VPS13B: variants seen among roughly 807,000 people sequenced by gnomAD.
VPS13B encodes vacuolar protein sorting 13 homolog B.
Under a neutral mutation model 426.4 loss-of-function variants are expected in VPS13B, and 285 were observed. The observed-to-expected ratio is 0.67, with a 90% CI of 0.61 to 0.74. VPS13B has a LOEUF of 0.74. VPS13B is among the 30% of genes least tolerant of loss of function. The pLI is 0.00. For synonymous variants in VPS13B, 1,676 were observed against 1,676.4 expected, an observed-to-expected ratio of 1.00 and a Z score of 0.01; for missense variants, 4,537 against 4,782.6, an observed-to-expected ratio of 0.95 and a Z score of 1.51.
rs148057549 is a variant in VPS13B at position 99,253,424 on chromosome 8, A to G, written c.2516-20774A>G. ...CCAAATTGTTTTCCATAGCAGCTGG[A>G]CCATATGACATTCCTAGCAGCAATG... On this transcript the variant is annotated intron_variant, in intron 17 of 61. Transcript: ENST00000357162. Among the ~76,000 whole-genome samples, 965 of 152,278 alleles carry G rather than the reference A, an allele frequency of 6.3e-3. 8 individuals carry two copies. Among genetic ancestry groups the G allele is most frequent in the African/African-American group, 0.022 (906 of 41,568 alleles).
intron 44 of VPS13B, among the ~76,000 whole-genome samples, chr8:99,813,720 A>G (rs1813861073): frequency 1.3e-5 from 2 of 152,264 alleles, no homozygotes. Flanking sequence ...AGAAAATTCA[A>G]ATAAGCAGAT....
At chr8:99,666,610 C>G (rs549991914) in intron 35 of VPS13B, among the ~76,000 whole-genome samples, 8 of 152,188 alleles carry the variant, frequency 5.3e-5, no homozygotes, top group African/African-American at 1.9e-4. Flanking sequence ...ATTCAACAAC[C>G]CTTCATGCTA....
chr8:99,296,948 C>G (rs1820072630), intron 19 of VPS13B, among the ~76,000 whole-genome samples: 5 of 151,920 alleles, frequency 3.3e-5, no homozygotes, highest in Admixed American at 2.6e-4. Context: ...TTTGTCATAG[C>G]AGCACAAATG....
At chr8:99,216,478 C>A (rs1465097072) in intron 17 of VPS13B, among the ~76,000 whole-genome samples, 9 of 151,536 alleles carry the variant, frequency 5.9e-5, no homozygotes, top group Admixed American at 5.3e-4. Context: ...TATTCTCATC[C>A]TAGCATATCA....
chr8:99,574,171 A>C (rs1375082505), intron 31 of VPS13B, among the ~76,000 whole-genome samples: 2 of 152,192 alleles, frequency 1.3e-5, no homozygotes, highest in African/African-American at 4.8e-5. Flanking sequence ...ACTTTGCTGA[A>C]GTTGCTTATC....
intron 17 of VPS13B, among the ~76,000 whole-genome samples, chr8:99,247,376 C>G (rs1437742317): frequency 6.6e-6 from 1 of 152,132 alleles, no homozygotes; most frequent in Non-Finnish European, 1.5e-5. Context: ...CATCATTACT[C>G]TTTTAAAAAT....
chr8:99,032,631 G>T (rs1245356299), intron 2 of VPS13B, among the ~76,000 whole-genome samples: 1 of 150,250 alleles, frequency 6.7e-6, no homozygotes, highest in African/African-American at 2.4e-5. Context: ...CCGGGTTCAC[G>T]CCATTCTCCT....
chr8:99,347,500 C>G (rs1274088068), intron 19 of VPS13B: 1 of 152,268 alleles, frequency 6.6e-6, no homozygotes, highest in African/African-American at 2.4e-5. Context: ...ACTGAGGGCC[C>G]CAATTTCTAC....
rs1319310046 is a variant in VPS13B at position 99,542,533 on chromosome 8, G to C, written c.4746-13917G>C. Among the ~76,000 whole-genome samples the C allele has an allele frequency of 2.6e-5, 4 of 152,218 alleles. No homozygotes were observed. The East Asian group carries it at 7.7e-4, about 29-fold the overall frequency. The stretch of plus-strand genomic sequence containing the variant: ...AGAGACATGAGGATGCTTGTTTTTT[G>C]TATCAGAGTACTTGTTATTGGGGCA... On this transcript the variant is annotated intron_variant, in intron 30 of 61. Transcript: ENST00000357162.
intron 17 of VPS13B, among the ~76,000 whole-genome samples, chr8:99,266,805 G>A (rs1196260740): frequency 1.3e-5 from 2 of 152,114 alleles, no homozygotes; most frequent in Non-Finnish European, 2.9e-5. Flanking sequence ...TTGTGAAGAG[G>A]ATTAGTTTGT....
intron 19 of VPS13B, among the ~76,000 whole-genome samples, chr8:99,371,365 T>C (rs1813171130): frequency 6.6e-6 from 1 of 152,146 alleles, no homozygotes; most frequent in Non-Finnish European, 1.5e-5. Context: ...TTGCTTGTTT[T>C]TGTTGGGTTT....
intron 19 of VPS13B, among the ~76,000 whole-genome samples, chr8:99,355,831 A>G (rs1812153065): frequency 6.6e-6 from 1 of 152,018 alleles, no homozygotes; most frequent in South Asian, 2.1e-4. Flanking sequence ...CTTTTCTATT[A>G]CTTATAATTA....
chr8:99,704,440 G>A (rs993752985), intron 36 of VPS13B, among the ~76,000 whole-genome samples: 1 of 152,166 alleles, frequency 6.6e-6, no homozygotes, highest in African/African-American at 2.4e-5. Flanking sequence ...TTTGGATGCT[G>A]CAGAGATGCG....
At chr8:99,358,010 A>ACG (rs1346830887) in intron 19 of VPS13B, among the ~76,000 whole-genome samples, 1 of 151,182 alleles carries the variant, frequency 6.6e-6, no homozygotes, top group East Asian at 1.9e-4. Flanking sequence ...TATCACACAC[A>ACG]CACACACACA....
intron 14 of VPS13B, among the ~76,000 whole-genome samples, chr8:99,153,432 A>G (rs1811182442): frequency 6.6e-6 from 1 of 151,212 alleles, no homozygotes; most frequent in African/African-American, 2.4e-5. Context: ...AGCATTTTAT[A>G]TTATTCGATT....
chr8:99,570,116 A>G (rs1468805849), intron 31 of VPS13B, among the ~76,000 whole-genome samples: 1 of 152,140 alleles, frequency 6.6e-6, no homozygotes, highest in Non-Finnish European at 1.5e-5. Flanking sequence ...GCTGAATTTA[A>G]TATCTTTTCA....
intron 33 of VPS13B, among the ~76,000 whole-genome samples, chr8:99,583,836 A>G (rs972963723): frequency 5.9e-5 from 9 of 152,168 alleles, no homozygotes; most frequent in South Asian, 2.1e-4. Context: ...TGAGACTGGC[A>G]TGAAGGAGTA....
At chr8:99,433,089 G>C (rs1817199348) in intron 22 of VPS13B, among the ~76,000 whole-genome samples, 2 of 152,166 alleles carry the variant, frequency 1.3e-5, no homozygotes, top group Admixed American at 6.5e-5. Flanking sequence ...GAAACATTTG[G>C]GTACTCAATA....
At chr8:99,854,738 A>C (rs1455704376) in intron 56 of VPS13B, among the ~76,000 whole-genome samples, 2 of 152,124 alleles carry the variant, frequency 1.3e-5, no homozygotes, top group Admixed American at 6.5e-5. Context: ...TATTTTCTTC[A>C]TTGCTATTTA....
Sources: allele counts gnomAD v4.1 joint callset (sites outside exome capture counted in the v4.1 genomes callset), GRCh38; gene constraint gnomAD v4.1.1; transcripts MANE v1.5; gene names NCBI Gene and HGNC (gene_info 2026-07-23, HGNC 2026-07-21).